GARRE1: variants seen among roughly 807,000 people sequenced by gnomAD.
GARRE1 encodes granule associated Rac and RHOG effector 1.
GARRE1 carries 49 observed loss-of-function variants against 103.2 expected under a neutral mutation model. That is an observed-to-expected ratio of 0.47 (90% CI 0.38 to 0.60). The LOEUF (loss-of-function observed/expected upper bound fraction) is 0.60. GARRE1 is among the 20% of genes least tolerant of loss of function. The probability of loss-of-function intolerance (pLI) is 0.00; values close to 1 mark genes in which losing one functional copy is unlikely to be tolerated. For missense variants in GARRE1, 1,199 were observed against 1,370.5 expected (o/e 0.87, Z 1.98); for synonymous variants, 505 against 532.8 (o/e 0.95, Z 0.72).
At chr19:34,309,593 G>T (rs1350330560) in intron 2 of GARRE1, among the ~76,000 whole-genome samples, 1 of 152,090 alleles carries the variant, frequency 6.6e-6, no homozygotes, top group African/African-American at 2.4e-5. Context: ...TCCCACCTCA[G>T]CCTCCCACAA....
rs997647034 is a variant in GARRE1, at chr19:34,355,096, A to C, written c.*2141A>C. On this transcript the variant is annotated 3_prime_UTR_variant, in exon 14 of 14. Coordinates refer to ENST00000299505, the MANE Select transcript of GARRE1 (RefSeq NM_014686.5). ...CACAGTACCCTGTATTTCGAGTTCC[A>C]TTATACTGAAGTACTCATGTTTTAA... 1 of 152,602 alleles carries C rather than the reference A, an allele frequency of 6.6e-6. No individual in the cohort carries two copies. Among genetic ancestry groups the C allele is most frequent in the African/African-American group, 2.4e-5 (1 of 41,440 alleles). 9.5% of individuals were successfully genotyped at this position (152,602 alleles called of 1,614,324 possible).
At chr19:34,343,010 A>G (rs1461515659) in intron 10 of GARRE1, among the ~76,000 whole-genome samples, 3 of 152,192 alleles carry the variant, frequency 2.0e-5, no homozygotes, top group African/African-American at 7.2e-5. Context: ...ATTAAGGGGG[A>G]AAAGCCAAAA....
At chr19:34,255,632 C>A (rs7255166) in intron 1 of GARRE1, among the ~76,000 whole-genome samples, 64,920 of 150,420 alleles carry the variant, frequency 0.43, 16,968 homozygotes, top group Non-Finnish European at 0.59. Context: ...CAATTTGTCA[C>A]AAGATAAACA....
chr19:34,295,843 A>G (rs1476771398), intron 1 of GARRE1, among the ~76,000 whole-genome samples: 3 of 152,086 alleles, frequency 2.0e-5, no homozygotes, highest in Non-Finnish European at 4.4e-5. Flanking sequence ...ATTTTTGTAT[A>G]TGATGTGAGG....
rs141742597 is a variant in GARRE1, at chr19:34,346,728, T to C, written c.2522-1149T>C. 2.6e-3 allele frequency among the ~76,000 whole-genome samples: 403 copies of C among 152,128 alleles called. 1 individual carries two copies. The highest frequency in any genetic ancestry group is 4.2e-3 in the Non-Finnish European group (288 of 67,990). ...GCCTCCCAGGTTCAAGTGATTCTCC[T>C]GTCTCAGCCTCCTGAGTAGCTTGGA... On this transcript the variant is annotated intron_variant, in intron 10 of 13. Transcript: ENST00000299505.
At position 34,334,713 on chromosome 19, in the gene GARRE1, A is replaced by G. The variant is rs534628312; in HGVS notation, c.1361+912A>G. On this transcript the variant is annotated intron_variant, in intron 8 of 13. Coordinates refer to ENST00000299505, the MANE Select transcript of GARRE1 (RefSeq NM_014686.5). ...AACTATCTCAAAAAAAAAAAAAAAG[A>G]AAAAAGAAAATGTATAACTTCACCT... Among the ~76,000 whole-genome samples, 542 of 147,036 alleles carry G rather than the reference A, an allele frequency of 3.7e-3. 16 individuals are homozygous for G. Among genetic ancestry groups the G allele is most frequent in the Admixed American group, 0.013 (188 of 14,632 alleles).
chr19:34,347,668 C>T (rs2074218291), intron 10 of GARRE1, among the ~76,000 whole-genome samples: 1 of 152,232 alleles, frequency 6.6e-6, no homozygotes, highest in African/African-American at 2.4e-5. Flanking sequence ...AGCCCTGGCA[C>T]ACACCATGCC....
At chr19:34,334,184 A>G (rs2074150363) in intron 8 of GARRE1, among the ~76,000 whole-genome samples, 1 of 152,212 alleles carries the variant, frequency 6.6e-6, no homozygotes, top group Admixed American at 6.5e-5. Context: ...TGTTCCAACT[A>G]CAATCCTGAT....
chr19:34,256,151 T>A (rs1385692071), intron 1 of GARRE1, among the ~76,000 whole-genome samples: 1 of 152,012 alleles, frequency 6.6e-6, no homozygotes, highest in Non-Finnish European at 1.5e-5. Context: ...AACGTTCAAT[T>A]TTTAAGAATA....
At chr19:34,319,718 C>T (rs532000380) in intron 2 of GARRE1, among the ~76,000 whole-genome samples, 189 bp from the exon 3 acceptor site, 6 of 152,318 alleles carry the variant, frequency 3.9e-5, no homozygotes, top group Admixed American at 3.9e-4. Context: ...GACTTCCAGG[C>T]ATCAGTCACC....
chr19:34,255,989 C>G (rs891737852), intron 1 of GARRE1, among the ~76,000 whole-genome samples: 2 of 151,620 alleles, frequency 1.3e-5, no homozygotes, highest in East Asian at 3.9e-4. Flanking sequence ...TTACAGGCAC[C>G]CACCACGCCC....
rs2073675588 is a variant in GARRE1, at chr19:34,256,733, AC to A, written c.-796+2120del. Among the ~76,000 whole-genome samples the A allele has an allele frequency of 2.0e-5, 3 of 152,292 alleles. No individual in the cohort carries two copies. The East Asian group carries it at 5.8e-4, about 29-fold the overall frequency. ...AAGTGTATGTTTGTAAGGGCTACTTACAAAGTTCATATTTACATTTTGTGTG... is the reference window on the plus strand; with the variant it reads ...AAGTGTATGTTTGTAAGGGCTACTTAAAAGTTCATATTTACATTTTGTGTG... On this transcript the variant is annotated intron_variant, in intron 1 of 13. Transcript: ENST00000299505.
chr19:34,344,096 A>G (rs2145281744), intron 10 of GARRE1, among the ~76,000 whole-genome samples: 1 of 152,284 alleles, frequency 6.6e-6, no homozygotes. Flanking sequence ...TTTTGCTGAT[A>G]ATAGAATTGA....
At chr19:34,283,850 G>A (rs969047207) in intron 1 of GARRE1, among the ~76,000 whole-genome samples, 1 of 42,460 alleles carries the variant, frequency 2.4e-5, no homozygotes, top group Non-Finnish European at 5.1e-5. Context: ...TTTTTTTTTT[G>A]AGACGGAGTC....
rs1460121821 is a variant in GARRE1, at chr19:34,327,998, C to T, written c.951C>T (p.Cys317=). 6.8e-6 allele frequency: 11 copies of T among 1,614,032 alleles called. No homozygotes were observed. Among genetic ancestry groups the T allele is most frequent in the Non-Finnish European group, 8.5e-6 (10 of 1,180,046 alleles). The change falls in exon 6 of 14, where the codon TGC becomes TGT. Residue 317 remains cysteine, a synonymous_variant. Coordinates refer to ENST00000299505, the MANE Select transcript of GARRE1 (RefSeq NM_014686.5). ...KAIEASLQGC[C]SEAEAQQTGR... ...ATCCATGCCTTTTCCAGGGCTGCTG[C>T]AGCGAGGCGGAAGCCCAGCAGACGG...
At chr19:34,322,025 T>C (rs952796824) in intron 3 of GARRE1, among the ~76,000 whole-genome samples, 19 of 152,262 alleles carry the variant, frequency 1.2e-4, no homozygotes, top group African/African-American at 4.3e-4. Context: ...GTGGGGGGAT[T>C]CTAGCCTAGC....
At chr19:34,338,224 G>A (rs1003553453) in intron 8 of GARRE1, among the ~76,000 whole-genome samples, 4 of 152,150 alleles carry the variant, frequency 2.6e-5, no homozygotes, top group Non-Finnish European at 5.9e-5. Flanking sequence ...ATGCTGCTCA[G>A]ACTGTTTTCC....
Position 34,307,154 on chromosome 19 carries a change from A to G in GARRE1, c.495+6186A>G, listed in dbSNP as rs576801477. The stretch of plus-strand genomic sequence containing the variant: ...AGCAGGGGTGAGGTCAGAAGGGTAA[A>G]GAGGGGCCACTCTGGTGTCTGTTCT... On this transcript the variant is annotated intron_variant, in intron 2 of 13. Transcript: ENST00000299505. 5.9e-5 allele frequency among the ~76,000 whole-genome samples: 9 copies of G among 152,224 alleles called. No individual in the cohort carries two copies. The South Asian group carries it at 1.9e-3, about 32-fold the overall frequency.
chr19:34,333,067 G>A (rs1159063020), intron 7 of GARRE1, among the ~76,000 whole-genome samples: 2 of 152,278 alleles, frequency 1.3e-5, no homozygotes, highest in African/African-American at 4.8e-5. Context: ...GTTTGTTTGA[G>A]ATGGAGTCTT....
Sources: gnomAD v4.1 joint callset for allele counts (sites outside exome capture counted in the v4.1 genomes callset) on GRCh38, gnomAD v4.1.1 for gene constraint, MANE v1.5 for transcripts, NCBI Gene and HGNC (gene_info 2026-07-23, HGNC 2026-07-21) for gene names.